Variants in NUCB2 observed in about 807,000 individuals in gnomAD.
NUCB2 encodes the protein nucleobindin 2.
In NUCB2, 48 loss-of-function variants were observed where a neutral mutation model predicts 57.9. The ratio of observed to expected loss-of-function variants is 0.83; its 90% CI spans 0.66 to 1.05. The LOEUF is 1.05. Ranked by LOEUF, NUCB2 falls within the 50% of genes least tolerant of loss-of-function variation. NUCB2 has a pLI of 0.00. For synonymous variants in NUCB2, 139 were observed against 152.1 expected, an observed-to-expected ratio of 0.91 and a Z score of 0.64; for missense variants, 442 against 476.2, an observed-to-expected ratio of 0.93 and a Z score of 0.67.
intron 10 of NUCB2, among the ~76,000 whole-genome samples, chr11:17,313,705 T>C (rs1044920660): frequency 3.9e-5 from 6 of 152,192 alleles, no homozygotes; most frequent in Non-Finnish European, 7.4e-5. Context: ...TGCCTCCCTC[T>C]TTCTCGAAAT....
intron 4 of NUCB2, among the ~76,000 whole-genome samples, chr11:17,298,128 G>T (rs550975368): frequency 2.0e-5 from 3 of 150,152 alleles, no homozygotes; most frequent in Admixed American, 6.7e-5. Flanking sequence ...TAGTTCACAC[G>T]TGTAACTTTG....
intron 4 of NUCB2, among the ~76,000 whole-genome samples, chr11:17,298,281 T>C (rs1946164541): frequency 6.6e-6 from 1 of 151,842 alleles, no homozygotes; most frequent in Admixed American, 6.6e-5. Context: ...AAAAATCATC[T>C]GAGGCCAGGC....
intron 5 of NUCB2, among the ~76,000 whole-genome samples, chr11:17,303,842 G>A (rs902148326): frequency 3.4e-5 from 5 of 146,172 alleles, no homozygotes; most frequent in African/African-American, 7.6e-5. Context: ...CTGAGATCAC[G>A]TCACCTCACT....
intron 5 of NUCB2, among the ~76,000 whole-genome samples, chr11:17,306,161 T>C (rs1428810440): frequency 6.6e-6 from 1 of 152,170 alleles, no homozygotes; most frequent in Non-Finnish European, 1.5e-5. Context: ...CAGTGGAAGA[T>C]CTTTCAAGCT....
chr11:17,308,677 A>G (rs1948056002), intron 5 of NUCB2, among the ~76,000 whole-genome samples: 1 of 152,240 alleles, frequency 6.6e-6, no homozygotes, highest in South Asian at 2.1e-4. Context: ...ATGTAATACA[A>G]CTGAAACAAT....
chr11:17,289,718 A>T (rs1241454834), intron 2 of NUCB2, among the ~76,000 whole-genome samples: 2 of 152,218 alleles, frequency 1.3e-5, no homozygotes, highest in African/African-American at 2.4e-5. Context: ...AGGCATTTAC[A>T]GCAATGTTAC....
At position 17,311,915 on chromosome 11, in the gene NUCB2, C is replaced by T. The variant is rs1253181538; in HGVS notation, c.804C>T (p.Ala268=). 1 of 1,595,442 alleles carries T rather than the reference C, an allele frequency of 6.3e-7. No homozygotes were observed. Among genetic ancestry groups the T allele is most frequent in the Non-Finnish European group, 8.6e-7 (1 of 1,168,150 alleles). Residue 268 remains alanine, a synonymous_variant, in exon 9 of 14, where the codon GCC becomes GCT. Transcript: ENST00000529010. ...TCCTGGATGAACAAGAATTAGAAGC[C>T]CTATTTACTAAAGAGGTAAAGGAGT... ...DGFLDEQELE[A]LFTKELEKVY...
At chr11:17,339,909 A>G (rs1252653631) in intron 2 of NUCB2, among the ~76,000 whole-genome samples, 4 of 152,178 alleles carry the variant, frequency 2.6e-5, no homozygotes, top group Non-Finnish European at 5.9e-5. Flanking sequence ...CTAGTTCTAG[A>G]TTCCTGAGGA....
chr11:17,346,992 T>C (rs1952798082), intron 2 of NUCB2, among the ~76,000 whole-genome samples: 1 of 152,160 alleles, frequency 6.6e-6, no homozygotes, highest in African/African-American at 2.4e-5. Context: ...AGAAAGTTTA[T>C]TTTGCCAAGG....
chr11:17,321,948 A>T (rs1591523874), intron 11 of NUCB2, among the ~76,000 whole-genome samples: 1 of 152,032 alleles, frequency 6.6e-6, no homozygotes, highest in African/African-American at 2.4e-5. Context: ...TTATTAGATA[A>T]TTCCCTATAG....
downstream of NUCB2, chr11:17,334,213 G>A (rs1260236463): frequency 1.3e-5 from 2 of 152,202 alleles, no homozygotes; most frequent in East Asian, 3.9e-4. Flanking sequence ...ATTGATGAAT[G>A]AGTATATATA....
intron 11 of NUCB2, among the ~76,000 whole-genome samples, chr11:17,321,496 C>T (rs1158189389): frequency 6.6e-6 from 1 of 152,160 alleles, no homozygotes; most frequent in East Asian, 1.9e-4. Flanking sequence ...TTCATCCATT[C>T]ATCTGTTGAT....
intron 2 of NUCB2, among the ~76,000 whole-genome samples, chr11:17,285,825 G>C (rs1037568255): frequency 1.3e-5 from 2 of 149,520 alleles, no homozygotes; most frequent in Non-Finnish European, 3.0e-5. Context: ...TCAGTTTTCT[G>C]TACTTTTCAC....
chr11:17,288,682 G>T (rs1944261412), intron 2 of NUCB2, among the ~76,000 whole-genome samples: 1 of 150,376 alleles, frequency 6.6e-6, no homozygotes, highest in African/African-American at 2.5e-5. Flanking sequence ...AGCCTCCCGG[G>T]TAGCTGGGAC....
intron 2 of NUCB2, among the ~76,000 whole-genome samples, chr11:17,288,882 T>TATAC (rs1944330772): frequency 2.0e-4 from 9 of 44,680 alleles, no homozygotes; most frequent in Admixed American, 7.0e-4. Context: ...AACATGTATA[T>TATAC]ACACACACAC....
At chr11:17,317,996 T>A (rs1199667098) in intron 11 of NUCB2, among the ~76,000 whole-genome samples, 3 of 147,230 alleles carry the variant, frequency 2.0e-5, no homozygotes, top group African/African-American at 7.5e-5. Flanking sequence ...TTTTTTTTTT[T>A]AATAATTTTA....
chr11:17,306,456 T>C (rs1196803810), intron 5 of NUCB2, among the ~76,000 whole-genome samples: 2 of 152,190 alleles, frequency 1.3e-5, no homozygotes, highest in African/African-American at 2.4e-5. Context: ...GAGAAGTAAA[T>C]TGAGTCATGC....
At chr11:17,329,859 C>T (rs148127238) in intron 11 of NUCB2, among the ~76,000 whole-genome samples, 133 of 152,274 alleles carry the variant, frequency 8.7e-4, no homozygotes, top group African/African-American at 3.1e-3. Context: ...TCTCTTCCCA[C>T]GTTCTCTTTG....
intron 2 of NUCB2, among the ~76,000 whole-genome samples, chr11:17,294,246 T>A (rs1173201998): frequency 6.6e-6 from 1 of 152,020 alleles, no homozygotes; most frequent in Non-Finnish European, 1.5e-5. Flanking sequence ...TTAGTATACA[T>A]AGGAACCCCC....
Sources: allele counts gnomAD v4.1 joint callset (sites outside exome capture counted in the v4.1 genomes callset), GRCh38; gene constraint gnomAD v4.1.1; transcripts MANE v1.5; gene names NCBI Gene and HGNC (gene_info 2026-07-23, HGNC 2026-07-21).